Variants in SLC26A2 observed in about 807,000 individuals in gnomAD.
SLC26A2 encodes the protein sulfate transporter.
SLC26A2 carries 36 observed loss-of-function variants against 41.1 expected under a neutral mutation model. That is an observed-to-expected ratio of 0.88 (90% CI 0.67 to 1.16). The LOEUF (loss-of-function observed/expected upper bound fraction) is 1.16. Among genes scored for constraint, SLC26A2 ranks in the 50% most tolerant of loss-of-function variants. The probability of loss-of-function intolerance (pLI) is 0.00; values close to 1 mark genes in which losing one functional copy is unlikely to be tolerated. For synonymous variants in SLC26A2, 291 were observed against 311.6 expected, an observed-to-expected ratio of 0.93 and a Z score of 0.70; for missense variants, 796 against 869.6, an observed-to-expected ratio of 0.92 and a Z score of 1.07.
At chr5:149,968,865 G>T (rs563921838) in intron 1 of SLC26A2, among the ~76,000 whole-genome samples, 2 of 137,196 alleles carry the variant, frequency 1.5e-5, no homozygotes, top group East Asian at 4.0e-4. Flanking sequence ...GCCTCAGCTT[G>T]CTGAGTTACA....
chr5:149,975,262 C>G (rs1311423360), intron 1 of SLC26A2, among the ~76,000 whole-genome samples: 1 of 152,092 alleles, frequency 6.6e-6, no homozygotes, highest in Non-Finnish European at 1.5e-5. Context: ...ATGATCCTAT[C>G]GAAGGCATTC....
chr5:149,978,302 A>T lies in SLC26A2; in HGVS notation c.650A>T (p.Tyr217Phe). 6.2e-7 allele frequency: 1 copy of T among 1,614,010 alleles called. No individual in the cohort carries two copies. The highest frequency in any genetic ancestry group is 8.5e-7 in the Non-Finnish European group (1 of 1,180,008). ...TSDRICDKSC[Y>F]AIMVGSTVTF... ...GACAGGATATGTGACAAAAGTTGCT[A>T]TGCAATTATGGTTGGCAGCACTGTA... The change falls in exon 2 of 3, where the codon TAT becomes TTT. Residue 217 changes from tyrosine to phenylalanine, a missense_variant. Tyr to Phe is a conservative substitution (Grantham distance 22, BLOSUM62 3). Coordinates refer to ENST00000286298, the MANE Select transcript of SLC26A2 (RefSeq NM_000112.4).
chr5:149,981,100 A>C lies in SLC26A2; in HGVS notation c.1507A>C (p.Lys503Gln). Residue 503 changes from lysine (K) to glutamine (Q), a missense_variant, in exon 3 of 3, where the codon AAA becomes CAA. Lys to Gln is a moderately conservative substitution (Grantham distance 53, BLOSUM62 1). Transcript: ENST00000286298. ...CCTTCGTAAATTTAGGGATCTTCCC[A>C]AAATGTGGAGTATTAGTAGAATGGA... is the stretch of plus-strand genomic sequence containing the variant. Reference protein sequence around the residue: ...GALRKFRDLPKMWSISRMDTV... With the variant: ...GALRKFRDLPQMWSISRMDTV... 6.2e-7 allele frequency: 1 copy of C among 1,614,140 alleles called. No individual in the cohort carries two copies. Among genetic ancestry groups the C allele is most frequent in the Non-Finnish European group, 8.5e-7 (1 of 1,179,982 alleles).
In SLC26A2 at chr5:149,977,756, C is replaced by G. The variant is rs1755017552; in HGVS notation, c.104C>G (p.Ser35Ter). The change falls in exon 2 of 3, where the codon TCA (serine) becomes TGA (stop). Residue 35 changes from serine (S) to a stop codon, truncating the protein, a stop_gained. Coordinates refer to ENST00000286298, the MANE Select transcript of SLC26A2 (RefSeq NM_000112.4). LOFTEE classifies it high-confidence loss of function. ...SGIHLELQRE[S>*]STDFKQFETN... ...ATCCATCTGGAACTTCAAAGGGAAT[C>G]AAGTACTGACTTCAAGCAATTTGAG... The G allele has an allele frequency of 1.2e-6, 2 of 1,613,570 alleles. No homozygotes were observed. The highest frequency in any genetic ancestry group is 3.3e-5 in the Admixed American group (2 of 60,000).
intron 1 of SLC26A2, among the ~76,000 whole-genome samples, chr5:149,963,801 C>T (rs1354415661): frequency 4.1e-5 from 5 of 122,058 alleles, no homozygotes; most frequent in African/African-American, 1.3e-4. Flanking sequence ...AGGCTGGTCT[C>T]GAACTCCTGG....
At chr5:149,970,139 A>G (rs561255009) in intron 1 of SLC26A2, among the ~76,000 whole-genome samples, 6 of 152,340 alleles carry the variant, frequency 3.9e-5, no homozygotes, top group African/African-American at 1.4e-4. Flanking sequence ...CCAGATAAGG[A>G]TATAGGGAAT....
rs1321047833 is a variant in SLC26A2 at position 149,986,986 on chromosome 5, A to G, written c.*5173A>G. 1 of 152,196 alleles carries G rather than the reference A, an allele frequency of 6.6e-6. No individual in the cohort carries two copies. The highest frequency in any genetic ancestry group is 6.5e-5 in the Admixed American group (1 of 15,274). 9.4% of individuals were successfully genotyped at this position (152,196 alleles called of 1,614,324 possible). On this transcript the variant is annotated 3_prime_UTR_variant, in exon 3 of 3. Coordinates refer to ENST00000286298, the MANE Select transcript of SLC26A2 (RefSeq NM_000112.4). ...AACATACCAATCTATGTAATAGGCT[A>G]CCTTTTTTTGTCTTCTTTGGAACTT...
Position 149,981,451 on chromosome 5 carries a change from A to C in SLC26A2, c.1858A>C (p.Lys620Gln). 1 of 1,614,200 alleles carries C rather than the reference A, an allele frequency of 6.2e-7. No individual in the cohort carries two copies. Among genetic ancestry groups the C allele is most frequent in the Admixed American group, 1.7e-5 (1 of 60,016 alleles). ...GGCTTGGAAGAAGGCAGCAAAGAGAAAGATCAAAGAAAAAGTAGTGACTCT... is the reference window on the plus strand; with the variant it reads ...GGCTTGGAAGAAGGCAGCAAAGAGACAGATCAAAGAAAAAGTAGTGACTCT... The part of the protein sequence containing the change: ...KVAWKKAAKR[K>Q]IKEKVVTLGG... Residue 620 changes from lysine to glutamine, a missense_variant, in exon 3 of 3, where the codon AAG (lysine) becomes CAG (glutamine). Physicochemically the swap from Lys to Gln is moderately conservative, Grantham distance 53 (BLOSUM62 1). Coordinates refer to ENST00000286298, the MANE Select transcript of SLC26A2 (RefSeq NM_000112.4).
At position 149,981,564 on chromosome 5, in the gene SLC26A2, A is replaced by G. The variant is rs978880526; in HGVS notation, c.1971A>G (p.Gln657=). Residue 657 remains glutamine (Q), a synonymous_variant, in exon 3 of 3, where the codon CAA becomes CAG. Transcript: ENST00000286298. ...HTIVIDCSAI[Q]FLDTAGIHTL... is the part of the protein sequence containing the mutation. ...TAGTGATTGACTGCAGTGCAATTCA[A>G]TTTTTAGATACAGCAGGGATCCACA... The G allele has an allele frequency of 1.9e-6, 3 of 1,613,914 alleles. No individual in the cohort carries two copies. The highest frequency in any genetic ancestry group is 2.2e-5 in the East Asian group (1 of 44,872).
rs1755142771 is a variant in SLC26A2, at chr5:149,983,533, A to G, written c.*1720A>G. The stretch of plus-strand genomic sequence containing the variant: ...TTTTTAGCCAGTATTTGCCCTTTCT[A>G]TCCAGCCTTATGAATAATAGCAGTA... On this transcript the variant is annotated 3_prime_UTR_variant, in exon 3 of 3. Transcript: ENST00000286298. 6.6e-6 allele frequency: 1 copy of G among 152,176 alleles called. No individual in the cohort carries two copies. Among genetic ancestry groups the G allele is most frequent in the Non-Finnish European group, 1.5e-5 (1 of 68,036 alleles). The allele number at this position is 152,176 out of a possible 1,614,324, so 9.4% of individuals were successfully genotyped here. A position where few individuals can be genotyped will look rare whatever the true frequency, so the allele number is the denominator to read the frequency against.
At chr5:149,976,650 TC>T (rs1754997164) in intron 1 of SLC26A2, among the ~76,000 whole-genome samples, 1 of 152,260 alleles carries the variant, frequency 6.6e-6, no homozygotes, top group Admixed American at 6.5e-5. Context: ...TGTTGTCCTT[TC>T]TCTTTTTCTG....
chr5:149,980,174 T>C (rs1755065807), intron 2 of SLC26A2, 119 bp from the exon 3 acceptor site: 2 of 826,936 alleles, frequency 2.4e-6, no homozygotes, highest in East Asian at 4.9e-5. Flanking sequence ...GTGTTTATTC[T>C]AGCTCTGACA....
At position 149,978,279 on chromosome 5, in the gene SLC26A2, C is replaced by A. The variant is rs372226382; in HGVS notation, c.627C>A (p.Asp209Glu). 5.6e-5 allele frequency: 90 copies of A among 1,613,930 alleles called. No homozygotes were observed. Among genetic ancestry groups the A allele is most frequent in the Admixed American group, 8.3e-5 (5 of 59,994 alleles). Residue 209 changes from aspartate (D) to glutamate (E), a missense_variant, in exon 2 of 3, where the codon GAC becomes GAA. By Grantham distance (45) the Asp-to-Glu change is conservative. Transcript: ENST00000286298. ...NGSTLLNHTS[D>E]RICDKSCYAI... Reference sequence around the variant, plus strand: ...GCACATTATTAAATCATACATCAGACAGGATATGTGACAAAAGTTGCTATG... The same window carrying A: ...GCACATTATTAAATCATACATCAGAAAGGATATGTGACAAAAGTTGCTATG...
At chr5:149,961,971 G>A (rs1468299279) in intron 1 of SLC26A2, 1 of 152,222 alleles carries the variant, frequency 6.6e-6, no homozygotes, top group Non-Finnish European at 1.5e-5. Flanking sequence ...AGCAAGTTAG[G>A]TAATGTTACC....
Position 149,978,134 on chromosome 5 carries a change from CTG to C in SLC26A2, c.485_486del (p.Val162GlyfsTer12), listed in dbSNP as rs763198695. 6.8e-6 allele frequency: 11 copies of C among 1,606,932 alleles called. No individual in the cohort carries two copies. The East Asian group carries it at 1.6e-4, about 23-fold the overall frequency. The stretch of plus-strand genomic sequence containing the variant: ...CTCTTGGGTACCTCCCGTCACATCT[CTG>C]TGGGCATTTTTGGAGTACTGTGCCT... On this transcript the variant is annotated frameshift_variant, in exon 2 of 3. Transcript: ENST00000286298. LOFTEE classifies it high-confidence loss of function.
In SLC26A2 at chr5:149,970,728, TGA is replaced by T. The variant is rs1270029437; in HGVS notation, c.-25-6894_-25-6893del. Among the ~76,000 whole-genome samples, 9 of 152,002 alleles carry T rather than the reference TGA, an allele frequency of 5.9e-5. No individual in the cohort carries two copies. The East Asian group carries it at 1.7e-3, about 29-fold the overall frequency. ...TTGCAGGCTATTAGAGTATTCCAGG[TGA>T]GAGAGGATGGTAGGACAATAGTGAG... is the stretch of plus-strand genomic sequence containing the variant. On this transcript the variant is annotated intron_variant, in intron 1 of 2. Coordinates refer to ENST00000286298, the MANE Select transcript of SLC26A2 (RefSeq NM_000112.4).
At chr5:149,978,964 C>T (rs1044361147) in intron 2 of SLC26A2, among the ~76,000 whole-genome samples, 1 of 151,906 alleles carries the variant, frequency 6.6e-6, no homozygotes, top group African/African-American at 2.4e-5. Context: ...GCAATCCTCC[C>T]GTCTTGGCCT....
rs941103020 is a variant in SLC26A2, at chr5:149,968,001, C to CT, written c.-26+7031dup. Among the ~76,000 whole-genome samples the CT allele has an allele frequency of 1.5e-4, 22 of 148,082 alleles. No individual in the cohort carries two copies. In the East Asian group the frequency reaches 3.2e-3, roughly 21 times the overall value. On this transcript the variant is annotated intron_variant, in intron 1 of 2. Transcript: ENST00000286298. ...CCTTTTTTTTTTTTTAGATCCAGCT[C>CT]TTTTTTTTTATTTTTTATTTGTTTG...
chr5:149,975,258 C>CTT (rs1274178016), intron 1 of SLC26A2, among the ~76,000 whole-genome samples: 1 of 152,100 alleles, frequency 6.6e-6, no homozygotes, highest in African/African-American at 2.4e-5. Flanking sequence ...AGTAATGATC[C>CTT]TATCGAAGGC....
Sources: gnomAD v4.1 joint callset for allele counts (sites outside exome capture counted in the v4.1 genomes callset) on GRCh38, gnomAD v4.1.1 for gene constraint, MANE v1.5 for transcripts, NCBI Gene and HGNC (gene_info 2026-07-23, HGNC 2026-07-21) for gene names.